UBE3C: variants seen among roughly 807,000 people sequenced by gnomAD.
UBE3C encodes ubiquitin-protein ligase E3C.
UBE3C carries 42 observed loss-of-function variants against 129.4 expected under a neutral mutation model. That is an observed-to-expected ratio of 0.32 (90% confidence interval 0.25 to 0.42). UBE3C has a LOEUF of 0.42. Among genes scored for constraint, UBE3C ranks in the 10% least tolerant of loss-of-function variants. The pLI is 1.00. For missense variants in UBE3C, 1,049 were observed against 1,319.1 expected, an observed-to-expected ratio of 0.80 and a Z score of 3.17; for synonymous variants, 510 against 492.4, an observed-to-expected ratio of 1.04 and a Z score of -0.47.
intron 2 of UBE3C, among the ~76,000 whole-genome samples, chr7:157,168,584 C>T (rs1808281266): frequency 6.6e-6 from 1 of 152,158 alleles, no homozygotes; most frequent in Admixed American, 6.5e-5. Context: ...CGTGGTCCAT[C>T]CATACAATGG....
intron 19 of UBE3C, among the ~76,000 whole-genome samples, chr7:157,250,779 G>A (rs1182381): frequency 0.5 from 75,825 of 152,040 alleles, 22,011 homozygotes; most frequent in Non-Finnish European, 0.64. Flanking sequence ...CAGTGATGTC[G>A]CTTGCTGCTA....
intron 10 of UBE3C, among the ~76,000 whole-genome samples, chr7:157,189,675 G>C (rs4716693): frequency 1 from 151,839 of 152,332 alleles, 75,674 homozygotes; most frequent in Middle Eastern, 1. Context: ...GACTCTTTCA[G>C]CGGCTTCTTT....
At chr7:157,252,028 C>T (rs1310973099) in intron 19 of UBE3C, among the ~76,000 whole-genome samples, 2 of 151,900 alleles carry the variant, frequency 1.3e-5, no homozygotes, top group Admixed American at 6.6e-5. Flanking sequence ...CCCAGCTACT[C>T]GGGAGGCTGA....
At chr7:157,147,455 A>G (rs751306999) in intron 1 of UBE3C, among the ~76,000 whole-genome samples, 13 of 152,206 alleles carry the variant, frequency 8.5e-5, no homozygotes, top group Non-Finnish European at 1.5e-5. Flanking sequence ...CTGCACAGAT[A>G]ATCATTTCAT....
chr7:157,208,031 T>C (rs1809483239), intron 13 of UBE3C, 96 bp downstream of exon 13: 1 of 621,850 alleles, frequency 1.6e-6, no homozygotes. Flanking sequence ...CAGGTTTGTT[T>C]CAGACATGTT....
At chr7:157,192,004 T>C (rs1296466327) in intron 10 of UBE3C, among the ~76,000 whole-genome samples, 1 of 152,242 alleles carries the variant, frequency 6.6e-6, no homozygotes, top group Non-Finnish European at 1.5e-5. Context: ...TCAAATAACA[T>C]TGATGAGCTT....
chr7:157,173,878 A>T (rs1204944887), intron 4 of UBE3C, among the ~76,000 whole-genome samples: 1 of 152,236 alleles, frequency 6.6e-6, no homozygotes, highest in Non-Finnish European at 1.5e-5. Flanking sequence ...ATTAACTAAT[A>T]TTCGGAGTAG....
At chr7:157,161,529 G>A (rs1446247072) in intron 1 of UBE3C, among the ~76,000 whole-genome samples, 3 of 151,106 alleles carry the variant, frequency 2.0e-5, no homozygotes, top group Non-Finnish European at 4.4e-5. Flanking sequence ...TCGGCTCACT[G>A]CAGCCTCAGC....
chr7:157,247,816 G>A (rs565244446), intron 18 of UBE3C, among the ~76,000 whole-genome samples: 68 of 152,294 alleles, frequency 4.5e-4, no homozygotes, highest in Non-Finnish European at 7.3e-5. Flanking sequence ...CTGCAGGGCA[G>A]AGTGGCATAT....
intron 22 of UBE3C, among the ~76,000 whole-genome samples, chr7:157,267,007 C>G (rs1210425469): frequency 6.6e-6 from 1 of 152,192 alleles, no homozygotes; most frequent in Admixed American, 6.5e-5. Context: ...TCCCAAAGTG[C>G]TGGGACTACA....
intron 5 of UBE3C, among the ~76,000 whole-genome samples, chr7:157,176,202 C>T (rs1358451571): frequency 6.6e-6 from 1 of 152,196 alleles, no homozygotes; most frequent in Non-Finnish European, 1.5e-5. Flanking sequence ...TTCGAGGCTG[C>T]AGTGAGCTGT....
intron 2 of UBE3C, among the ~76,000 whole-genome samples, chr7:157,168,319 A>G (rs1808272816): frequency 7.0e-6 from 1 of 143,060 alleles, no homozygotes; most frequent in Admixed American, 7.1e-5. Context: ...TGGGCGACAG[A>G]GCAAGACTCT....
intron 4 of UBE3C, among the ~76,000 whole-genome samples, chr7:157,172,135 G>A (rs939503300): frequency 1.3e-5 from 2 of 151,638 alleles, no homozygotes; most frequent in African/African-American, 4.8e-5. Flanking sequence ...GGGTTCAAGC[G>A]ATTCTCCTAC....
intron 10 of UBE3C, among the ~76,000 whole-genome samples, chr7:157,195,005 C>A (rs1809077202): frequency 1.3e-5 from 2 of 152,114 alleles, no homozygotes; most frequent in South Asian, 4.1e-4. Context: ...AGGCAAAAGC[C>A]ACTAAAACTA....
intron 10 of UBE3C, among the ~76,000 whole-genome samples, chr7:157,187,399 C>A (rs1290089972): frequency 9.2e-6 from 1 of 108,616 alleles, no homozygotes; most frequent in South Asian, 2.8e-4. Flanking sequence ...TTTTCTTCTT[C>A]TTCTTCAGAC....
intron 10 of UBE3C, among the ~76,000 whole-genome samples, chr7:157,190,406 G>A (rs187098608): frequency 3.3e-4 from 50 of 152,212 alleles, no homozygotes; most frequent in African/African-American, 9.1e-4. Context: ...TGTCCTGCAT[G>A]GTAGCCACCA....
At chr7:157,219,127 C>A (rs1391897066) in intron 14 of UBE3C, among the ~76,000 whole-genome samples, 2 of 152,154 alleles carry the variant, frequency 1.3e-5, no homozygotes, top group Non-Finnish European at 2.9e-5. Context: ...CGGTGCCACT[C>A]CAGGTGCAGC....
chr7:157,141,255 G>A (rs979117757), intron 1 of UBE3C, among the ~76,000 whole-genome samples: 12 of 152,178 alleles, frequency 7.9e-5, no homozygotes, highest in African/African-American at 2.9e-4. Context: ...ACAGCTTGAA[G>A]GATTTTTGCA....
chr7:157,256,644 A>G (rs1188815819), intron 21 of UBE3C: 5 of 285,522 alleles, frequency 1.8e-5, no homozygotes, highest in South Asian at 1.2e-4. Context: ...GGAAAAAGCA[A>G]TGGTTGTGTC....
Sources: allele counts gnomAD v4.1 joint callset (sites outside exome capture counted in the v4.1 genomes callset), GRCh38; gene constraint gnomAD v4.1.1; transcripts MANE v1.5; gene names NCBI Gene and HGNC (gene_info 2026-07-23, HGNC 2026-07-21).